NSUN2: variants seen among roughly 807,000 people sequenced by gnomAD.
NSUN2 encodes the protein RNA cytosine C(5)-methyltransferase NSUN2.
A neutral mutation model predicts 92.7 loss-of-function variants in NSUN2; 63 were observed. The observed-to-expected ratio is 0.68, with a 90% CI of 0.56 to 0.84. The LOEUF (loss-of-function observed/expected upper bound fraction) is 0.84. NSUN2 is among the 40% of genes least tolerant of loss of function. The probability of loss-of-function intolerance (pLI) is 0.00; values close to 1 mark genes in which losing one functional copy is unlikely to be tolerated. For missense variants in NSUN2, 989 were observed against 964.9 expected, an observed-to-expected ratio of 1.02 and a Z score of -0.33; for synonymous variants, 356 against 348.3, an observed-to-expected ratio of 1.02 and a Z score of -0.25.
At chr5:6,632,456 C>A in intron 2 of NSUN2, 143 bp downstream of exon 2, 1 of 908,584 alleles carries the variant, frequency 1.1e-6, no homozygotes, top group South Asian at 1.6e-5. Flanking sequence ...ACCCTGTGCT[C>A]CCCACCTCAA....
chr5:6,609,898 CT>C lies in NSUN2; in HGVS notation c.1250del (p.Gln417ArgfsTer12). 1 of 1,612,928 alleles carries C rather than the reference CT, an allele frequency of 6.2e-7. No homozygotes were observed. Among genetic ancestry groups the C allele is most frequent in the Non-Finnish European group, 8.5e-7 (1 of 1,179,116 alleles). The stretch of plus-strand genomic sequence containing the variant: ...CTGCCACAAAAAACCCTCCAGTATT[CT>C]GATGATGGGGTAATATCCTAAGGCT... ...ERCLRILPHHQNTGGFFVAVL... is the reference protein window; with the variant it reads ...ERCLRILPHHXNTGGFFVAVL... On this transcript the variant is annotated frameshift_variant, in exon 12 of 19. Transcript: ENST00000264670. LOFTEE classifies it high-confidence loss of function.
intron 18 of NSUN2, among the ~76,000 whole-genome samples, chr5:6,602,212 T>C (rs1736586879): frequency 6.6e-6 from 1 of 151,928 alleles, no homozygotes. Context: ...AAAAAATAAG[T>C]ACTATGCATT....
chr5:6,609,836 C>T lies in NSUN2; in HGVS notation c.1313G>A (p.Arg438His), dbSNP rs371352625. ...VKKSSMPWNK[R>H]QPKLQGKSAE... ...AAAAGAAAAACTCACCTTTGGCTGACGTTTATTCCACGGCATTGAAGATTT... is the reference window on the plus strand; with the variant it reads ...AAAAGAAAAACTCACCTTTGGCTGATGTTTATTCCACGGCATTGAAGATTT... The change falls in exon 12 of 19, where the codon CGT (arginine) becomes CAT (histidine). Residue 438 changes from arginine (R) to histidine (H), a missense_variant. Transcript: ENST00000264670. 9.3e-6 allele frequency: 15 copies of T among 1,612,112 alleles called. No homozygotes were observed. The highest frequency in any genetic ancestry group is 5.3e-5 in the African/African-American group (4 of 74,806).
Position 6,631,726 on chromosome 5 carries a change from A to G in NSUN2, c.359+147T>C. 4.7e-6 allele frequency: 3 copies of G among 636,284 alleles called. No individual in the cohort carries two copies. The East Asian group carries it at 7.9e-5, about 17-fold the overall frequency. 39.4% of individuals were successfully genotyped at this position (636,284 alleles called of 1,614,324 possible). On this transcript the variant is annotated intron_variant, in intron 3 of 18. Transcript: ENST00000264670. ...AAACTTGCGTAGCAATATAATGTTG[A>G]TAAAAGCACCAGGTACTAGAACATT...
At chr5:6,624,383 C>T (rs774268295) in intron 4 of NSUN2, among the ~76,000 whole-genome samples, 1 of 152,144 alleles carries the variant, frequency 6.6e-6, no homozygotes, top group Non-Finnish European at 1.5e-5. Flanking sequence ...GCTCTCATCA[C>T]GCTGACTCCT....
intron 12 of NSUN2, among the ~76,000 whole-genome samples, chr5:6,608,608 CA>C (rs1217483946): frequency 6.6e-6 from 1 of 152,206 alleles, no homozygotes; most frequent in African/African-American, 2.4e-5. Context: ...TAAGACTATA[CA>C]TAAGGGGCTA....
At chr5:6,614,822 G>A (rs147374979) in intron 9 of NSUN2, among the ~76,000 whole-genome samples, 98 of 152,158 alleles carry the variant, frequency 6.4e-4, no homozygotes, top group African/African-American at 2.0e-3. Context: ...AAGAAAGCCC[G>A]GTGGACTCAG....
At chr5:6,622,721 C>A (rs754295778) in intron 5 of NSUN2, among the ~76,000 whole-genome samples, 3 of 151,882 alleles carry the variant, frequency 2.0e-5, no homozygotes, top group Non-Finnish European at 2.9e-5. Flanking sequence ...GTGGTGCGCA[C>A]CTGTAATCCC....
intron 9 of NSUN2, among the ~76,000 whole-genome samples, 178 bp from the exon 10 acceptor site, chr5:6,611,976 C>T (rs1205957528): frequency 6.6e-6 from 1 of 152,070 alleles, no homozygotes; most frequent in Non-Finnish European, 1.5e-5. Flanking sequence ...GATGAGTGGC[C>T]GATGGGGCTC....
Position 6,606,759 on chromosome 5 carries a change from T to A in NSUN2, c.1601+61A>T, listed in dbSNP as rs1736791479. ...AACAATGGTTACATGTGATCAGTTG[T>A]ACATTTGATACTCTATAGTAAATTT... On this transcript the variant is annotated intron_variant, in intron 14 of 18. Transcript: ENST00000264670. The A allele has an allele frequency of 5.4e-6, 5 of 931,132 alleles. No individual in the cohort carries two copies. The South Asian group carries it at 7.5e-5, about 14-fold the overall frequency. 57.7% of individuals were successfully genotyped at this position (931,132 alleles called of 1,614,324 possible). A position where few individuals can be genotyped will look rare whatever the true frequency, so the allele number is the denominator to read the frequency against.
chr5:6,615,919 G>A (rs1017636613), intron 9 of NSUN2, among the ~76,000 whole-genome samples: 3 of 152,228 alleles, frequency 2.0e-5, no homozygotes, highest in Admixed American at 2.0e-4. Context: ...CTATCTGTCA[G>A]TTCCTCAGTA....
At chr5:6,628,146 A>G (rs1192374305) in intron 3 of NSUN2, among the ~76,000 whole-genome samples, 3 of 152,122 alleles carry the variant, frequency 2.0e-5, no homozygotes, top group African/African-American at 7.2e-5. Context: ...TCAGGAGTTC[A>G]AGACTAGCCT....
In NSUN2 at chr5:6,610,946, C is replaced by G. The variant is rs964845101; in HGVS notation, c.1226+9G>C. 1 of 1,613,920 alleles carries G rather than the reference C, an allele frequency of 6.2e-7. No homozygotes were observed. Among genetic ancestry groups the G allele is most frequent in the Non-Finnish European group, 8.5e-7 (1 of 1,179,924 alleles). On this transcript the variant is annotated intron_variant, in intron 11 of 18. Coordinates refer to ENST00000264670, the MANE Select transcript of NSUN2 (RefSeq NM_017755.6). The stretch of plus-strand genomic sequence containing the variant: ...CCCCTCCCCACACCTGGAGGCCCCA[C>G]CAGCTCACCATCGCTCCAGGTGCAT...
chr5:6,606,954 G>GT, intron 13 of NSUN2, 42 bp from the exon 14 acceptor site: 1 of 1,209,856 alleles, frequency 8.3e-7, no homozygotes, highest in Non-Finnish European at 1.2e-6. Context: ...TCTGTAATGT[G>GT]TGGTAACCTT....
rs1427423702 is a variant in NSUN2, at chr5:6,632,926, G to A, written c.54C>T (p.Asp18=). The part of the protein sequence containing the change: ...RRLQQQQRPE[D]AEDGAEGGGK... ...CACCACCCTCGGCGCCATCCTCCGC[G>A]TCCTCCGGCCGCTGCTGTTGCTGGA... The change falls in exon 1 of 19, where the codon GAC becomes GAT. Residue 18 remains aspartate, a synonymous_variant. Transcript: ENST00000264670. 8 of 1,515,644 alleles carry A rather than the reference G, an allele frequency of 5.3e-6. No individual in the cohort carries two copies. The highest frequency in any genetic ancestry group is 7.0e-6 in the Non-Finnish European group (8 of 1,139,022). The allele number at this position is 1,515,644 out of a possible 1,614,324, so 93.9% of individuals were successfully genotyped here.
Position 6,619,105 on chromosome 5 carries a change from G to A in NSUN2, c.815+1001C>T, listed in dbSNP as rs62348978. ...GATACAAGGAACGAGTTATCTTTCT[G>A]ATCAAAAAACAGGGGTAGGAAAACA... On this transcript the variant is annotated intron_variant, in intron 7 of 18. Transcript: ENST00000264670. Among the ~76,000 whole-genome samples the A allele has an allele frequency of 9.4e-4, 143 of 152,142 alleles. 2 individuals carry two copies. In the South Asian group the frequency reaches 0.029, roughly 31 times the overall value.
chr5:6,632,469 C>T (rs1435931472), intron 2 of NSUN2, 130 bp downstream of exon 2: 1 of 1,066,928 alleles, frequency 9.4e-7, no homozygotes, highest in Non-Finnish European at 1.4e-6. Context: ...CACCTCAATG[C>T]TTCCTGAATC....
chr5:6,624,394 A>G (rs540919541), intron 4 of NSUN2, among the ~76,000 whole-genome samples: 1 of 152,190 alleles, frequency 6.6e-6, no homozygotes, highest in Non-Finnish European at 1.5e-5. Context: ...GCTGACTCCT[A>G]ATCAAAAACC....
Position 6,605,324 on chromosome 5 carries a change from C to G in NSUN2, c.1686G>C (p.Met562Ile). ...GCACATTCCGCAACTCCTTAGAAAC[C>G]ATGTAGAGCTGCCTTTTCTTCCCTT... ...TTEGKKRQLY[M>I]VSKELRNVLL... is the part of the protein sequence containing the mutation. The change falls in exon 15 of 19, where the codon ATG becomes ATC. Residue 562 changes from methionine (M) to isoleucine (I), a missense_variant. Around this residue, in one of 3 missense-constraint regions of NSUN2, gnomAD observed 626 missense variants for 602.3 expected, o/e 1.04. Transcript: ENST00000264670. The G allele has an allele frequency of 1.2e-6, 2 of 1,614,236 alleles. No individual in the cohort carries two copies. The highest frequency in any genetic ancestry group is 2.2e-5 in the South Asian group (2 of 91,082).
Sources: gnomAD v4.1 joint callset for allele counts (sites outside exome capture counted in the v4.1 genomes callset) on GRCh38, gnomAD v4.1.1 for gene constraint, gnomAD v4.1.1 regional missense constraint, MANE v1.5 for transcripts, NCBI Gene and HGNC (gene_info 2026-07-23, HGNC 2026-07-21) for gene names.